MB21D2: variants seen among roughly 807,000 people sequenced by gnomAD.
MB21D2 encodes nucleotidyltransferase MB21D2.
Under a neutral mutation model 33.3 loss-of-function variants are expected in MB21D2, and 9 were observed. The observed-to-expected ratio is 0.27, with a 90% CI of 0.16 to 0.47. The LOEUF (loss-of-function observed/expected upper bound fraction) is 0.47. Among genes scored for constraint, MB21D2 ranks in the 20% least tolerant of loss-of-function variants. The pLI is 0.99. For missense variants in MB21D2, 540 were observed against 624.6 expected (o/e 0.86, Z 1.44); for synonymous variants, 241 against 236.3 (o/e 1.02, Z -0.18).
At position 192,833,250 on chromosome 3, in the gene MB21D2, G is replaced by A. The variant is rs569017344; in HGVS notation, c.212-33600C>T. On this transcript the variant is annotated intron_variant, in intron 1 of 1. Transcript: ENST00000392452. ...CAAATGCTAACCCTATCTTGGCAAGGAAAGTCAATGACTCATTCAAGCCAA... is the reference window on the plus strand; with the variant it reads ...CAAATGCTAACCCTATCTTGGCAAGAAAAGTCAATGACTCATTCAAGCCAA... Among the ~76,000 whole-genome samples, 4 of 152,246 alleles carry A rather than the reference G, an allele frequency of 2.6e-5. No homozygotes were observed. The South Asian group carries it at 6.2e-4, about 24-fold the overall frequency.
chr3:192,900,059 C>T (rs747020841), intron 1 of MB21D2, among the ~76,000 whole-genome samples: 4 of 151,840 alleles, frequency 2.6e-5, no homozygotes, highest in Admixed American at 2.0e-4. Flanking sequence ...CTGAGGCGGG[C>T]GGATCACGAG....
chr3:192,863,907 G>C (rs1165879462), intron 1 of MB21D2, among the ~76,000 whole-genome samples: 1 of 152,164 alleles, frequency 6.6e-6, no homozygotes, highest in Non-Finnish European at 1.5e-5. Flanking sequence ...AGCCAGAACT[G>C]TGAGAAATTA....
rs988057183 is a variant in MB21D2 at position 192,872,003 on chromosome 3, T to C, written c.211+45627A>G. Among the ~76,000 whole-genome samples the C allele has an allele frequency of 7.2e-5, 11 of 152,298 alleles. No individual in the cohort carries two copies. The South Asian group carries it at 2.1e-3, about 29-fold the overall frequency. ...GTAGAGCTGAACTAATCTTATGACA[T>C]ATCCTAAACATTTCACTCATTTTCT... On this transcript the variant is annotated intron_variant, in intron 1 of 1. Coordinates refer to ENST00000392452, the MANE Select transcript of MB21D2 (RefSeq NM_178496.4).
chr3:192,824,901 CCAAA>C (rs560786504), intron 1 of MB21D2, among the ~76,000 whole-genome samples: 227 of 152,262 alleles, frequency 1.5e-3, no homozygotes, highest in African/African-American at 5.2e-3. Flanking sequence ...AAGAGGTACA[CCAAA>C]CAAAGTCTAT....
intron 1 of MB21D2, among the ~76,000 whole-genome samples, chr3:192,880,740 A>G (rs1156441577): frequency 6.6e-6 from 1 of 152,192 alleles, no homozygotes; most frequent in Non-Finnish European, 1.5e-5. Flanking sequence ...CTCTGCAGTT[A>G]GCACATCCAC....
intron 1 of MB21D2, among the ~76,000 whole-genome samples, chr3:192,845,327 C>A (rs1316047251): frequency 6.6e-6 from 1 of 152,256 alleles, no homozygotes; most frequent in Admixed American, 6.5e-5. Flanking sequence ...ATTCCTAAGT[C>A]AGGCAACTGC....
At position 192,799,315 on chromosome 3, in the gene MB21D2, T is replaced by C. The variant is rs1711506923; in HGVS notation, c.547A>G (p.Lys183Glu). ...GATNYFFSPT[K>E]VADWFYDSIS... ...GAGTCATAGAACCAGTCAGCCACTT[T>C]GGTAGGTGAGAAGAAGTAGTTGGTG... The change falls in exon 2 of 2, where the codon AAA becomes GAA. Residue 183 changes from lysine (K) to glutamate (E), a missense_variant. Lys to Glu is a moderately conservative substitution (Grantham distance 56, BLOSUM62 1). Transcript: ENST00000392452. This position sits in a 1 kb window ranked among gnomAD's most constrained non-coding sequence, Gnocchi z 4.1. 6.2e-7 allele frequency: 1 copy of C among 1,614,248 alleles called. No homozygotes were observed. Among genetic ancestry groups the C allele is most frequent in the Admixed American group, 1.7e-5 (1 of 60,026 alleles).
intron 1 of MB21D2, among the ~76,000 whole-genome samples, chr3:192,893,412 T>C (rs901582276): frequency 2.0e-5 from 3 of 152,214 alleles, no homozygotes; most frequent in Non-Finnish European, 2.9e-5. Flanking sequence ...CAACTCTACT[T>C]ACGGAGTCCT....
chr3:192,895,106 T>C (rs913396521), intron 1 of MB21D2, among the ~76,000 whole-genome samples: 1 of 152,142 alleles, frequency 6.6e-6, no homozygotes, highest in South Asian at 2.1e-4. Flanking sequence ...GGGGGCCTGC[T>C]AGGGAATCAC....
intron 1 of MB21D2, among the ~76,000 whole-genome samples, chr3:192,885,939 C>T (rs538194017): frequency 6.6e-6 from 1 of 152,154 alleles, no homozygotes; most frequent in Admixed American, 6.5e-5. Context: ...CGTCTTTAAA[C>T]CCCACTAGTT....
At chr3:192,833,244 G>A (rs1424320573) in intron 1 of MB21D2, among the ~76,000 whole-genome samples, 2 of 152,050 alleles carry the variant, frequency 1.3e-5, no homozygotes, top group East Asian at 3.8e-4. Flanking sequence ...ACCCTATCTT[G>A]GCAAGGAAAG....
chr3:192,876,926 C>T (rs1052674045), intron 1 of MB21D2, among the ~76,000 whole-genome samples: 12 of 152,158 alleles, frequency 7.9e-5, no homozygotes, highest in Non-Finnish European at 1.8e-4. Context: ...ACCCAGAATT[C>T]TAATAGTCCG....
rs965582096 is a variant in MB21D2, at chr3:192,823,863, A to G, written c.212-24213T>C. Among the ~76,000 whole-genome samples the G allele has an allele frequency of 1.4e-4, 21 of 152,190 alleles. 1 individual carries two copies. The highest frequency in any genetic ancestry group is 4.8e-4 in the African/African-American group (20 of 41,440). On this transcript the variant is annotated intron_variant, in intron 1 of 1. Transcript: ENST00000392452. ...AGTAAAAAAAAAATTTAAACTGTGG[A>G]AATAATAATTGTTTCCCATGCCAAA...
chr3:192,887,984 C>G (rs374841135), intron 1 of MB21D2, among the ~76,000 whole-genome samples: 4 of 151,942 alleles, frequency 2.6e-5, no homozygotes, highest in Non-Finnish European at 4.4e-5. Context: ...ACAGGGGACG[C>G]GTAGGCTGCA....
intron 1 of MB21D2, among the ~76,000 whole-genome samples, chr3:192,873,143 C>T (rs1280157666): frequency 1.3e-5 from 2 of 152,106 alleles, no homozygotes; most frequent in Non-Finnish European, 2.9e-5. Flanking sequence ...CATTACCTAC[C>T]CCTGGCTCTA....
chr3:192,841,606 C>T (rs540950013), intron 1 of MB21D2, among the ~76,000 whole-genome samples: 1 of 152,376 alleles, frequency 6.6e-6, no homozygotes, highest in African/African-American at 2.4e-5. Flanking sequence ...GTTCCAAAGG[C>T]TGCGGCTCTG....
intron 1 of MB21D2, among the ~76,000 whole-genome samples, chr3:192,906,196 G>A (rs988829206): frequency 1.3e-5 from 2 of 152,170 alleles, no homozygotes; most frequent in African/African-American, 2.4e-5. Flanking sequence ...GGTAAAATCT[G>A]AGAATCACAT....
chr3:192,799,476 T>C lies in MB21D2; in HGVS notation c.386A>G (p.Asp129Gly), dbSNP rs376793855. ...GTCGAGTGTCACAGGCTGATTACGGTCATGCAGCTTGAGGGCTGGCACCAA... is the reference window on the plus strand; with the variant it reads ...GTCGAGTGTCACAGGCTGATTACGGCCATGCAGCTTGAGGGCTGGCACCAA... ...TLLVPALKLH[D>G]RNQPVTLDMR... The change falls in exon 2 of 2, where the codon GAC becomes GGC. Residue 129 changes from aspartate to glycine, a missense_variant. Transcript: ENST00000392452. This position sits in a 1 kb window ranked among gnomAD's most constrained non-coding sequence, Gnocchi z 4.1. 5.1e-5 allele frequency: 83 copies of C among 1,613,996 alleles called. No homozygotes were observed. The highest frequency in any genetic ancestry group is 6.8e-6 in the Non-Finnish European group (8 of 1,180,020).
chr3:192,858,792 G>T (rs902634554), intron 1 of MB21D2, among the ~76,000 whole-genome samples: 1 of 152,120 alleles, frequency 6.6e-6, no homozygotes, highest in Admixed American at 6.5e-5. Flanking sequence ...AGAAGACAGT[G>T]TCAAAGACAA....
Sources: allele counts gnomAD v4.1 joint callset (sites outside exome capture counted in the v4.1 genomes callset), GRCh38; gene constraint gnomAD v4.1.1; non-coding constraint Gnocchi (gnomAD v3.1); transcripts MANE v1.5; gene names NCBI Gene and HGNC (gene_info 2026-07-23, HGNC 2026-07-21).